RNF123: variants seen among roughly 807,000 people sequenced by gnomAD.
RNF123 encodes E3 ubiquitin-protein ligase RNF123.
A neutral mutation model predicts 168.5 loss-of-function variants in RNF123; 86 were observed. That is an observed-to-expected ratio of 0.51 (90% CI 0.43 to 0.61). The LOEUF (loss-of-function observed/expected upper bound fraction) is 0.61, where lower values mean the gene tolerates loss of function less well. Among genes scored for constraint, RNF123 ranks in the 20% least tolerant of loss-of-function variants. The probability of loss-of-function intolerance (pLI) is 0.00; values close to 1 mark genes in which losing one functional copy is unlikely to be tolerated. For synonymous variants in RNF123, 666 were observed against 689.1 expected (o/e 0.97, Z 0.52); for missense variants, 1,419 against 1,729.7 (o/e 0.82, Z 3.19).
In RNF123 at chr3:49,704,766, TG is replaced by T. The variant is rs2108188547; in HGVS notation, c.1959+15del. 1.9e-6 allele frequency: 3 copies of T among 1,565,764 alleles called. No homozygotes were observed. The highest frequency in any genetic ancestry group is 4.6e-5 in the East Asian group (2 of 43,570). On this transcript the variant is annotated intron_variant, in intron 22 of 38. Coordinates refer to ENST00000327697, the MANE Select transcript of RNF123 (RefSeq NM_022064.5). ...CCCAGCTATGGCCCAGGTGCCGCAG[TG>T]GGGGCAGGCGGTGGGATTTGTGTTG...
chr3:49,699,376 A>G lies in RNF123; in HGVS notation c.765-92A>G, dbSNP rs2054329921. 1.7e-6 allele frequency: 2 copies of G among 1,189,754 alleles called. No individual in the cohort carries two copies. The highest frequency in any genetic ancestry group is 2.4e-6 in the Non-Finnish European group (2 of 831,522). 73.7% of individuals were successfully genotyped at this position (1,189,754 alleles called of 1,614,324 possible). On this transcript the variant is annotated intron_variant, in intron 10 of 38. Coordinates refer to ENST00000327697, the MANE Select transcript of RNF123 (RefSeq NM_022064.5). This position sits in a 1 kb window ranked among gnomAD's most constrained non-coding sequence, Gnocchi z 4.8. ...TTGTGATGCAAACCAGCCCTGCCCT[A>G]GAGCCCAGGCCCCGGGGTGGGGGGT...
At chr3:49,713,268 A>T (rs1045207435) in intron 27 of RNF123, 4 of 593,696 alleles carry the variant, frequency 6.7e-6, no homozygotes, top group Non-Finnish European at 1.2e-5. Flanking sequence ...GTGTGCTGAG[A>T]TGGGTTTGAG....
intron 14 of RNF123, 26 bp downstream of exon 14, chr3:49,700,590 G>A: frequency 6.2e-7 from 1 of 1,614,112 alleles, no homozygotes; most frequent in Non-Finnish European, 8.5e-7. Flanking sequence ...CCTGCCCTGA[G>A]CCCCCTGGGA....
At position 49,713,987 on chromosome 3, in the gene RNF123, G is replaced by A. The variant is rs146712306; in HGVS notation, c.2915G>A (p.Arg972Gln). The A allele has an allele frequency of 1.9e-5, 30 of 1,613,954 alleles. No homozygotes were observed. Among genetic ancestry groups the A allele is most frequent in the African/African-American group, 2.7e-5 (2 of 74,936 alleles). Residue 972 changes from arginine (R) to glutamine (Q), a missense_variant, in exon 30 of 39, where the codon CGG becomes CAG. Arg to Gln is a conservative substitution (Grantham distance 43). Coordinates refer to ENST00000327697, the MANE Select transcript of RNF123 (RefSeq NM_022064.5). ...PWAQTNWILV[R>Q]LWRGCGFGYR... ...GCCCAGACCAACTGGATCCTGGTGCGGCTCTGGAGGGTAAGCCTGACTCGA... is the reference window on the plus strand; with the variant it reads ...GCCCAGACCAACTGGATCCTGGTGCAGCTCTGGAGGGTAAGCCTGACTCGA...
chr3:49,718,588 C>A, intron 35 of RNF123: 1 of 1,613,024 alleles, frequency 6.2e-7, no homozygotes, highest in Non-Finnish European at 8.5e-7. Flanking sequence ...CAGGGACCGA[C>A]CCACCAGCGC....
Position 49,706,047 on chromosome 3 carries a change from C to T in RNF123, c.2370C>T (p.Leu790=). 2 of 1,614,156 alleles carry T rather than the reference C, an allele frequency of 1.2e-6. No homozygotes were observed. Among genetic ancestry groups the T allele is most frequent in the Non-Finnish European group, 1.7e-6 (2 of 1,180,012 alleles). ...CTCTGAGGGACACAGAGGACAAGCTCCGCCGGTGCCCCAAGAGGGTAAGGC... is the reference window on the plus strand; with the variant it reads ...CTCTGAGGGACACAGAGGACAAGCTTCGCCGGTGCCCCAAGAGGGTAAGGC... ...AMALRDTEDK[L]RRCPKRRKDI... Residue 790 remains leucine, a synonymous_variant, in exon 25 of 39, where the codon CTC becomes CTT. Coordinates refer to ENST00000327697, the MANE Select transcript of RNF123 (RefSeq NM_022064.5).
rs112921749 is a variant in RNF123, at chr3:49,700,812, A to G, written c.1277+103A>G. ...ATCAGGCCAGGGGTCCCCTGGGAGC[A>G]TCAGGAGGACCAGAGCTGCCCAACG... On this transcript the variant is annotated intron_variant, in intron 15 of 38. Transcript: ENST00000327697. 7,013 of 1,239,168 alleles carry G rather than the reference A, an allele frequency of 5.7e-3. 289 individuals carry two copies. In the African/African-American group the frequency reaches 0.093, roughly 16 times the overall value. The allele number at this position is 1,239,168 out of a possible 1,614,324, so 76.8% of individuals were successfully genotyped here.
At position 49,698,080 on chromosome 3, in the gene RNF123, C is replaced by T; in HGVS notation, c.426C>T (p.Ser142=). The stretch of plus-strand genomic sequence containing the variant: ...AATGGCTCTACGAGGTCCTCATCTC[C>T]TCCCAGGGGCTCATGCAGATCGGCT... ...KGKWLYEVLI[S]SQGLMQIGWC... is the part of the protein sequence containing the mutation. Residue 142 remains serine (S), a synonymous_variant, in exon 7 of 39, where the codon TCC becomes TCT. Transcript: ENST00000327697. 6.2e-7 allele frequency: 1 copy of T among 1,614,106 alleles called. No homozygotes were observed. The highest frequency in any genetic ancestry group is 8.5e-7 in the Non-Finnish European group (1 of 1,179,990).
In RNF123 at chr3:49,708,977, AT is replaced by A. The variant is rs554534948; in HGVS notation, c.2496+2087del. 2.0e-3 allele frequency among the ~76,000 whole-genome samples: 301 copies of A among 151,468 alleles called. 5 individuals are homozygous for A. Among genetic ancestry groups the A allele is most frequent in the African/African-American group, 6.9e-3 (285 of 41,294 alleles). Reference sequence around the variant, plus strand: ...ATTTTATTTTTAATTTTAATTTTTTATTTTTTTTGAGATGGAGTCTCACTCT... The same window carrying A: ...ATTTTATTTTTAATTTTAATTTTTTATTTTTTTGAGATGGAGTCTCACTCT... On this transcript the variant is annotated intron_variant, in intron 26 of 38. Coordinates refer to ENST00000327697, the MANE Select transcript of RNF123 (RefSeq NM_022064.5).
intron 15 of RNF123, among the ~76,000 whole-genome samples, 184 bp from the exon 16 acceptor site, chr3:49,701,307 G>T (rs2054377633): frequency 6.6e-6 from 1 of 152,222 alleles, no homozygotes; most frequent in South Asian, 2.1e-4. Flanking sequence ...GAGCTGGTGG[G>T]CTTAACCACC....
rs1015219801 is a variant in RNF123 at position 49,716,411 on chromosome 3, A to G, written c.3434A>G (p.His1145Arg). The G allele has an allele frequency of 4.3e-6, 7 of 1,613,796 alleles. No homozygotes were observed. The highest frequency in any genetic ancestry group is 1.3e-5 in the African/African-American group (1 of 74,858). Residue 1145 changes from histidine (H) to arginine (R), a missense_variant, in exon 35 of 39, where the codon CAC (histidine) becomes CGC (arginine). Physicochemically the swap from His to Arg is conservative, Grantham distance 29. Coordinates refer to ENST00000327697, the MANE Select transcript of RNF123 (RefSeq NM_022064.5). Reference protein sequence around the residue: ...LRLPGLESVDHYPILVAVTGI... With the variant: ...LRLPGLESVDRYPILVAVTGI... ...CCCTCAGGCCTAGAGAGCGTGGACC[A>G]CTATCCCATTCTGGTGGCAGTGACG...
At chr3:49,711,179 T>C (rs2080138208) in intron 26 of RNF123, among the ~76,000 whole-genome samples, 1 of 152,126 alleles carries the variant, frequency 6.6e-6, no homozygotes, top group African/African-American at 2.4e-5. Context: ...CTCCTAAAAA[T>C]ACAAAAATTA....
At position 49,716,448 on chromosome 3, in the gene RNF123, G is replaced by GCAGCTC; in HGVS notation, c.3473_3478dup (p.Gln1158_Leu1159dup). 6.2e-7 allele frequency: 1 copy of GCAGCTC among 1,614,118 alleles called. No homozygotes were observed. Among genetic ancestry groups the GCAGCTC allele is most frequent in the Non-Finnish European group, 8.5e-7 (1 of 1,179,992 alleles). ...TGGTGGCAGTGACGGGCATCCTGGT[G>GCAGCTC]CAGCTCCTGGTGCGTGGCCCAGCCT... On this transcript the variant is annotated inframe_insertion, in exon 35 of 39. Transcript: ENST00000327697.
intron 27 of RNF123, 70 bp from the exon 28 acceptor site, chr3:49,713,443 C>T: frequency 6.8e-7 from 1 of 1,464,468 alleles, no homozygotes. Flanking sequence ...CAAGTCCACC[C>T]ACCCTGCTGA....
chr3:49,691,588 G>A (rs1168735785), intron 3 of RNF123, 79 bp downstream of exon 3: 6 of 1,163,376 alleles, frequency 5.2e-6, no homozygotes, highest in Non-Finnish European at 6.4e-6. Context: ...GGGAAAGGGA[G>A]CCTGGGCTCT....
rs2054352268 is a variant in RNF123 at position 49,700,221 on chromosome 3, G to T, written c.985-6G>T. ...ACCACCTCACCAGTGCCTGGCCTTG[G>T]TGCAGCGCAAGGTGTATCTGGTGGA... On this transcript the variant is annotated splice_polypyrimidine_tract_variant and splice_region_variant and intron_variant, in intron 12 of 38. Coordinates refer to ENST00000327697, the MANE Select transcript of RNF123 (RefSeq NM_022064.5). 1 of 1,614,114 alleles carries T rather than the reference G, an allele frequency of 6.2e-7. No homozygotes were observed.
chr3:49,706,947 G>C (rs750456674), intron 26 of RNF123, 49 bp downstream of exon 26: 1 of 1,529,882 alleles, frequency 6.5e-7, no homozygotes, highest in Non-Finnish European at 9.1e-7. Flanking sequence ...GTCTGGCCAC[G>C]GGTCTAGCAA....
rs184795905 is a variant in RNF123 at position 49,704,420 on chromosome 3, G to A, written c.1853-230G>A. ...AATTTGAAAATAAATGAAAAAGAAGGGTGTGATGGGGAAGGCCTCCTGTTA... is the reference window on the plus strand; with the variant it reads ...AATTTGAAAATAAATGAAAAAGAAGAGTGTGATGGGGAAGGCCTCCTGTTA... On this transcript the variant is annotated intron_variant, in intron 21 of 38. Transcript: ENST00000327697. Among the ~76,000 whole-genome samples, 182 of 152,240 alleles carry A rather than the reference G, an allele frequency of 1.2e-3. 2 individuals are homozygous for A. Among genetic ancestry groups the A allele is most frequent in the African/African-American group, 4.2e-3 (173 of 41,518 alleles).
intron 3 of RNF123, among the ~76,000 whole-genome samples, chr3:49,694,802 G>A (rs1392847447): frequency 6.6e-6 from 1 of 151,952 alleles, no homozygotes; most frequent in Non-Finnish European, 1.5e-5. Flanking sequence ...GTCCTGGCCT[G>A]TTCTCAGAGC....
Sources: allele counts gnomAD v4.1 joint callset (sites outside exome capture counted in the v4.1 genomes callset), GRCh38; gene constraint gnomAD v4.1.1; non-coding constraint Gnocchi (gnomAD v3.1); transcripts MANE v1.5; gene names NCBI Gene and HGNC (gene_info 2026-07-23, HGNC 2026-07-21).